The following TMEM74 variants were observed in gnomAD, a reference collection of about 807,000 sequenced individuals.
TMEM74 encodes transmembrane protein 74.
Under a neutral mutation model 18.1 loss-of-function variants are expected in TMEM74, and 13 were observed. The ratio of observed to expected loss-of-function variants is 0.72; its 90% CI spans 0.47 to 1.14. TMEM74 has a LOEUF of 1.14. TMEM74 is among the 50% of genes most tolerant of loss of function. TMEM74 has a pLI of 0.00. For missense variants in TMEM74, 372 were observed against 375.9 expected (o/e 0.99, Z 0.09); for synonymous variants, 159 against 146.6 (o/e 1.08, Z -0.61).
At chr8:108,623,895 C>A (rs757953863) in intron 2 of TMEM74, among the ~76,000 whole-genome samples, 1 of 152,018 alleles carries the variant, frequency 6.6e-6, no homozygotes, top group Non-Finnish European at 1.5e-5. Flanking sequence ...GGCACTCCCC[C>A]TAAAGCAAAG....
chr8:108,721,143 C>A (rs917017141), intron 1 of TMEM74, among the ~76,000 whole-genome samples: 3 of 152,168 alleles, frequency 2.0e-5, no homozygotes, highest in Admixed American at 6.5e-5. Flanking sequence ...AATTGAATGT[C>A]TCCTATGAGT....
intron 1 of TMEM74, among the ~76,000 whole-genome samples, chr8:108,722,126 G>A (rs1449583908): frequency 6.6e-6 from 1 of 152,196 alleles, no homozygotes; most frequent in East Asian, 1.9e-4. Flanking sequence ...ATTTGGAGTT[G>A]TAGTGTACCT....
At chr8:108,620,587 T>C (rs555715703) in intron 2 of TMEM74, among the ~76,000 whole-genome samples, 1 of 152,314 alleles carries the variant, frequency 6.6e-6, no homozygotes, top group South Asian at 2.1e-4. Context: ...ATATCCTTTG[T>C]GGTGAAGCTG....
At chr8:108,659,025 C>T (rs1563742655) in intron 1 of TMEM74, among the ~76,000 whole-genome samples, 1 of 152,128 alleles carries the variant, frequency 6.6e-6, no homozygotes, top group East Asian at 1.9e-4. Flanking sequence ...GCAGATCTGT[C>T]ACAATAAGGC....
downstream of TMEM74, among the ~76,000 whole-genome samples, chr8:108,776,270 A>G (rs914633845): frequency 1.3e-5 from 2 of 152,382 alleles, no homozygotes; most frequent in African/African-American, 4.8e-5. Context: ...AGGCAGGCAG[A>G]TCACTTGAGG....
intron 1 of TMEM74, among the ~76,000 whole-genome samples, chr8:108,738,952 T>G (rs912628461): frequency 3.3e-5 from 5 of 152,146 alleles, no homozygotes; most frequent in Non-Finnish European, 7.3e-5. Context: ...TAAAAATACT[T>G]TCTGAAGTCA....
At chr8:108,626,001 C>T (rs927538057) in intron 2 of TMEM74, among the ~76,000 whole-genome samples, 48 of 151,912 alleles carry the variant, frequency 3.2e-4, no homozygotes, top group Admixed American at 3.0e-3. Flanking sequence ...AGACAATTGA[C>T]TTGACCTTAA....
chr8:108,667,494 G>A (rs1018859314), intron 1 of TMEM74, among the ~76,000 whole-genome samples: 1 of 152,098 alleles, frequency 6.6e-6, no homozygotes, highest in Admixed American at 6.6e-5. Context: ...GATAATGGAA[G>A]CGTTTCACTG....
chr8:108,642,331 G>C (rs902775082), intron 2 of TMEM74, among the ~76,000 whole-genome samples: 3 of 150,722 alleles, frequency 2.0e-5, no homozygotes, highest in Non-Finnish European at 3.0e-5. Flanking sequence ...GTTGGGAGGC[G>C]GAGGTTGCAG....
At chr8:108,665,349 G>C in intron 1 of TMEM74, among the ~76,000 whole-genome samples, 1 of 152,140 alleles carries the variant, frequency 6.6e-6, no homozygotes, top group East Asian at 1.9e-4. Context: ...TTGTTATAGG[G>C]AGTGTGAGAG....
chr8:108,726,646 A>G (rs985119398), intron 1 of TMEM74, among the ~76,000 whole-genome samples: 3 of 152,024 alleles, frequency 2.0e-5, no homozygotes, highest in Non-Finnish European at 4.4e-5. Context: ...AACAAACTCT[A>G]TTAGTTTTGA....
intron 1 of TMEM74, among the ~76,000 whole-genome samples, chr8:108,756,642 G>GGAAGGAAGAAAGAA (rs1813970384): frequency 1.6e-5 from 1 of 62,714 alleles, no homozygotes; most frequent in Non-Finnish European, 2.9e-5. Context: ...AAGGAAGGAA[G>GGAAGGAAGAAAGAA]AAAGAAAGAG....
chr8:108,784,026 G>A lies in TMEM74; in HGVS notation c.*155C>T. 1 of 607,214 alleles carries A rather than the reference G, an allele frequency of 1.6e-6. No homozygotes were observed. Among genetic ancestry groups the A allele is most frequent in the Non-Finnish European group, 2.8e-6 (1 of 360,918 alleles). 37.6% of individuals were successfully genotyped at this position (607,214 alleles called of 1,614,324 possible). A position where few individuals can be genotyped will look rare whatever the true frequency, so the allele number is the denominator to read the frequency against. ...TCTTACATGGCTTTTCTTCTAAATA[G>A]AAGACACATAGAGAACAAAAACACT... On this transcript the variant is annotated 3_prime_UTR_variant, in exon 2 of 2. Transcript: ENST00000297459.
chr8:108,762,630 C>G (rs1361991662), intron 1 of TMEM74, among the ~76,000 whole-genome samples: 1 of 152,052 alleles, frequency 6.6e-6, no homozygotes, highest in Non-Finnish European at 1.5e-5. Flanking sequence ...TACTTTTTCC[C>G]CATGATACAT....
At chr8:108,620,058 G>A (rs871996) in intron 2 of TMEM74, among the ~76,000 whole-genome samples, 33,256 of 151,942 alleles carry the variant, frequency 0.22, 3,666 homozygotes, top group East Asian at 0.27. Flanking sequence ...AGAGGTAGGG[G>A]TAATTATTTA....
At chr8:108,738,268 A>C (rs535370127) in intron 1 of TMEM74, among the ~76,000 whole-genome samples, 1 of 152,290 alleles carries the variant, frequency 6.6e-6, no homozygotes, top group Admixed American at 6.5e-5. Context: ...ACCTCCACCT[A>C]GGATGTATGA....
rs146011460 is a variant in TMEM74 at position 108,749,425 on chromosome 8, G to T, written n.119+38051C>A. Among the ~76,000 whole-genome samples, 435 of 152,204 alleles carry T rather than the reference G, an allele frequency of 2.9e-3. 1 individual carries two copies. The highest frequency in any genetic ancestry group is 9.5e-3 in the African/African-American group (395 of 41,532). On this transcript the variant is annotated intron_variant and non_coding_transcript_variant, in intron 1 of 3. Transcript: ENST00000518838. ...CTTTTTGTGGAAATTGTGAATGGGA[G>T]TTCATACATGATTTGGCTCTTGCCT...
intron 1 of TMEM74, among the ~76,000 whole-genome samples, chr8:108,717,881 G>A (rs1222798974): frequency 6.6e-6 from 1 of 150,460 alleles, no homozygotes; most frequent in African/African-American, 2.4e-5. Context: ...AAGGACTTAG[G>A]GTTTTGTTCT....
At chr8:108,660,915 G>T (rs1178418651) in intron 1 of TMEM74, among the ~76,000 whole-genome samples, 1 of 152,052 alleles carries the variant, frequency 6.6e-6, no homozygotes, top group Admixed American at 6.6e-5. Context: ...TATATAACAT[G>T]GAAAATTATC....
Sources: allele counts gnomAD v4.1 joint callset (sites outside exome capture counted in the v4.1 genomes callset), GRCh38; gene constraint gnomAD v4.1.1; transcripts MANE v1.5; gene names NCBI Gene and HGNC (gene_info 2026-07-23, HGNC 2026-07-21).